ANXA8: variants seen among roughly 807,000 people sequenced by gnomAD.
ANXA8 encodes the protein annexin A8, also known as VAC-beta.
Under a neutral mutation model 26.8 loss-of-function variants are expected in ANXA8, and 9 were observed. The observed-to-expected ratio is 0.34, with a 90% CI of 0.20 to 0.59. The LOEUF (loss-of-function observed/expected upper bound fraction) is 0.59. Ranked by LOEUF, ANXA8 falls within the 20% of genes least tolerant of loss-of-function variation. The probability of loss-of-function intolerance (pLI) is 0.84; values close to 1 mark genes in which losing one functional copy is unlikely to be tolerated. For missense variants in ANXA8, 83 were observed against 238.5 expected (o/e 0.35, Z 4.29); for synonymous variants, 39 against 94.8 (o/e 0.41, Z 3.42).
chr10:47,595,689 G>C, the ANXA8 span, among the ~76,000 whole-genome samples: 45,792 of 148,106 alleles, frequency 0.31, 8,645 homozygotes, highest in Non-Finnish European at 0.41. Context: ...ATGACAAAGG[G>C]CTCAATTCAA....
the ANXA8 span, among the ~76,000 whole-genome samples, chr10:47,955,107 T>C: frequency 6.8e-6 from 1 of 147,886 alleles, no homozygotes; most frequent in African/African-American, 2.5e-5. Flanking sequence ...GTTCTCATGA[T>C]AGTGAATAAA....
the ANXA8 span, among the ~76,000 whole-genome samples, chr10:47,775,197 AC>A: frequency 6.9e-6 from 1 of 145,742 alleles, no homozygotes; most frequent in Non-Finnish European, 1.5e-5. Flanking sequence ...ACATGGTGAA[AC>A]CCTGTCTCTA....
chr10:47,631,051 A>G, the ANXA8 span, among the ~76,000 whole-genome samples: 8 of 150,084 alleles, frequency 5.3e-5, no homozygotes, highest in African/African-American at 2.0e-4. Flanking sequence ...GCCTTACTTA[A>G]TGTAACAGTC....
the ANXA8 span, chr10:47,970,483 C>G: frequency 6.6e-6 from 1 of 151,082 alleles, no homozygotes; most frequent in African/African-American, 2.4e-5. Context: ...TCTTTTGGAG[C>G]CTCCATCCAC....
At chr10:47,586,363 A>G in the ANXA8 span, among the ~76,000 whole-genome samples, 4 of 144,974 alleles carry the variant, frequency 2.8e-5, no homozygotes, top group Non-Finnish European at 5.9e-5. Flanking sequence ...GCTAACCCCC[A>G]TCCTCCTCCT....
chr10:47,584,908 C>T, the ANXA8 span, among the ~76,000 whole-genome samples: 4 of 142,522 alleles, frequency 2.8e-5, no homozygotes, highest in Non-Finnish European at 6.0e-5. Flanking sequence ...GCCAACATGG[C>T]GAAACCCCGT....
the ANXA8 span, among the ~76,000 whole-genome samples, chr10:47,498,218 G>C: frequency 6.7e-6 from 1 of 150,102 alleles, no homozygotes; most frequent in Non-Finnish European, 1.5e-5. Context: ...TGCTTACTCA[G>C]TCTGGACGCT....
the ANXA8 span, among the ~76,000 whole-genome samples, chr10:47,647,630 A>C: frequency 6.7e-6 from 1 of 149,596 alleles, no homozygotes; most frequent in African/African-American, 2.5e-5. Flanking sequence ...TGATGGGACC[A>C]GGGTAATATT....
chr10:47,684,517 A>T, the ANXA8 span, among the ~76,000 whole-genome samples: 1 of 151,916 alleles, frequency 6.6e-6, no homozygotes, highest in South Asian at 2.1e-4. Context: ...GTGGGGCTGC[A>T]TGTGGTCCAG....
the ANXA8 span, among the ~76,000 whole-genome samples, chr10:47,749,689 T>C: frequency 6.6e-6 from 1 of 150,670 alleles, no homozygotes; most frequent in African/African-American, 2.5e-5. Context: ...GAAACGGAAT[T>C]AAAAAAATAA....
the ANXA8 span, among the ~76,000 whole-genome samples, chr10:47,737,365 T>A: frequency 1.3e-5 from 2 of 150,928 alleles, no homozygotes; most frequent in Admixed American, 6.7e-5. Context: ...TATGAATGGA[T>A]CTAACTGATT....
chr10:47,668,703 T>G, the ANXA8 span, among the ~76,000 whole-genome samples: 6 of 151,340 alleles, frequency 4.0e-5, no homozygotes, highest in Non-Finnish European at 7.4e-5. Context: ...TTCCTCCAAG[T>G]TCCTTTTCTA....
the ANXA8 span, among the ~76,000 whole-genome samples, chr10:47,505,576 T>C: frequency 8.1e-6 from 1 of 123,280 alleles, no homozygotes; most frequent in African/African-American, 3.0e-5. Context: ...TATTTAAAAG[T>C]ACAACTGGGC....
At chr10:47,953,704 C>A in the ANXA8 span, among the ~76,000 whole-genome samples, 1 of 149,668 alleles carries the variant, frequency 6.7e-6, no homozygotes. Context: ...AGGAAGAAAT[C>A]TAATAATATA....
chr10:47,704,860 T>A, the ANXA8 span, among the ~76,000 whole-genome samples: 1 of 152,024 alleles, frequency 6.6e-6, no homozygotes, highest in African/African-American at 2.4e-5. Flanking sequence ...GAAGAAAAAC[T>A]AACAAAGAAT....
chr10:47,685,346 C>CA, the ANXA8 span, among the ~76,000 whole-genome samples: 2,866 of 82,488 alleles, frequency 0.035, 33 homozygotes, highest in African/African-American at 0.1. Context: ...GAATCTGTCT[C>CA]AAAAAAAAAA....
chr10:47,690,956 G>A, the ANXA8 span: 217 of 1,610,926 alleles, frequency 1.3e-4, 4 homozygotes, highest in South Asian at 1.3e-3. Flanking sequence ...GAAATGGATC[G>A]GAGAAATGTG....
the ANXA8 span, among the ~76,000 whole-genome samples, chr10:47,529,181 C>A: frequency 1.4e-5 from 2 of 143,302 alleles, no homozygotes; most frequent in African/African-American, 5.0e-5. Flanking sequence ...AGTTTTACGA[C>A]CCTTTGCAAG....
At chr10:47,679,600 GGAGATCCT>G in the ANXA8 span, among the ~76,000 whole-genome samples, 1 of 151,934 alleles carries the variant, frequency 6.6e-6, no homozygotes, top group Non-Finnish European at 1.5e-5. Context: ...AAGCATGACG[GGAGATCCT>G]GTCTCAAAAC....
Sources: allele counts gnomAD v4.1 joint callset (sites outside exome capture counted in the v4.1 genomes callset), GRCh38; gene constraint gnomAD v4.1.1; transcripts MANE v1.5; gene names NCBI Gene and HGNC (gene_info 2026-07-23, HGNC 2026-07-21).